Variants in STAP1 observed in about 807,000 individuals in gnomAD.
STAP1 encodes signal-transducing adaptor protein 1.
In STAP1, 30 loss-of-function variants were observed where a neutral mutation model predicts 37.8. The observed-to-expected ratio is 0.79, with a 90% confidence interval of 0.59 to 1.08. The LOEUF (loss-of-function observed/expected upper bound fraction) is 1.08. STAP1 is among the 50% of genes least tolerant of loss of function. The pLI, the probability that STAP1 is intolerant of heterozygous loss-of-function variation, is 0.00. For synonymous variants in STAP1, 130 were observed against 116.0 expected, an observed-to-expected ratio of 1.12 and a Z score of -0.78; for missense variants, 357 against 349.4, an observed-to-expected ratio of 1.02 and a Z score of -0.17.
intron 8 of STAP1, among the ~76,000 whole-genome samples, chr4:67,599,779 T>G (rs1728302126): frequency 6.6e-6 from 1 of 151,900 alleles, no homozygotes; most frequent in Non-Finnish European, 1.5e-5. Flanking sequence ...GTACCTGGGA[T>G]TACAGGTGTG....
intron 8 of STAP1, 116 bp downstream of exon 8, chr4:67,593,472 T>A: frequency 1.4e-6 from 1 of 697,176 alleles, no homozygotes; most frequent in Non-Finnish European, 2.4e-6. Flanking sequence ...GTTCAGTCTT[T>A]AAATTTATCC....
At chr4:67,593,228 G>A in intron 7 of STAP1, 32 bp from the exon 8 acceptor site, 1 of 1,496,634 alleles carries the variant, frequency 6.7e-7, no homozygotes, top group Non-Finnish European at 9.2e-7. Flanking sequence ...TGCAGGTGAT[G>A]CTGAGTTTTC....
At chr4:67,586,463 A>C (rs1727981512) in intron 6 of STAP1, among the ~76,000 whole-genome samples, 2 of 152,216 alleles carry the variant, frequency 1.3e-5, no homozygotes, top group African/African-American at 4.8e-5. Context: ...TCTCAAAAAC[A>C]AAACAAACAA....
At chr4:67,579,016 A>G (rs1366663424) in intron 4 of STAP1, among the ~76,000 whole-genome samples, 1 of 152,108 alleles carries the variant, frequency 6.6e-6, no homozygotes, top group Non-Finnish European at 1.5e-5. Flanking sequence ...AAATATTTTT[A>G]GTAGAGGTGG....
At position 67,581,482 on chromosome 4, in the gene STAP1, A is replaced by C; in HGVS notation, c.530+11A>C. 1 of 1,593,034 alleles carries C rather than the reference A, an allele frequency of 6.3e-7. No homozygotes were observed. Among genetic ancestry groups the C allele is most frequent in the Non-Finnish European group, 8.5e-7 (1 of 1,171,192 alleles). ...GAACCCTATGCCAGCGTAAGTGCAC[A>C]ATGAACTGCAGTTTATTCATTCGAT... On this transcript the variant is annotated intron_variant, in intron 5 of 8. Transcript: ENST00000265404.
In STAP1 at chr4:67,598,403, T is replaced by C. The variant is rs150353787; in HGVS notation, c.826+5047T>C. 3.3e-5 allele frequency among the ~76,000 whole-genome samples: 5 copies of C among 152,334 alleles called. No individual in the cohort carries two copies. In the East Asian group the frequency reaches 7.7e-4, roughly 23 times the overall value. The stretch of plus-strand genomic sequence containing the variant: ...CTAATTTACATTCCCACTAACAGTG[T>C]ATGAAGGTTCCCTTTTCTCTATATC... On this transcript the variant is annotated intron_variant, in intron 8 of 8. Coordinates refer to ENST00000265404, the MANE Select transcript of STAP1 (RefSeq NM_012108.4).
chr4:67,605,665 A>G (rs990738104), intron 8 of STAP1, among the ~76,000 whole-genome samples: 5 of 152,222 alleles, frequency 3.3e-5, no homozygotes, highest in African/African-American at 7.2e-5. Flanking sequence ...GTACATGACA[A>G]TGAAAATAGG....
At chr4:67,576,822 G>A (rs1425313673) in intron 3 of STAP1, among the ~76,000 whole-genome samples, 1 of 152,180 alleles carries the variant, frequency 6.6e-6, no homozygotes, top group African/African-American at 2.4e-5. Flanking sequence ...TAATAACATA[G>A]TACTAGTATT....
At chr4:67,592,657 T>C (rs1728144559) in intron 7 of STAP1, among the ~76,000 whole-genome samples, 1 of 152,138 alleles carries the variant, frequency 6.6e-6, no homozygotes, top group African/African-American at 2.4e-5. Flanking sequence ...AAGAAAGCAT[T>C]TTCTAGCTAA....
At chr4:67,589,510 A>C (rs1052015222) in intron 6 of STAP1, among the ~76,000 whole-genome samples, 5 of 152,244 alleles carry the variant, frequency 3.3e-5, no homozygotes, top group Admixed American at 1.3e-4. Context: ...GATTTAAAAA[A>C]AGAAGGTAGA....
rs750116272 is a variant in STAP1 at position 67,558,927 on chromosome 4, C to T, written c.118C>T (p.Arg40Trp). ...TTTATTAATCAAGCGGTCAGGATACCGGGTGAGTCTATAGATGATAATGTT... is the reference window on the plus strand; with the variant it reads ...TTTATTAATCAAGCGGTCAGGATACTGGGTGAGTCTATAGATGATAATGTT... ...GFLLIKRSGYREYEHYWTELR... is the reference protein window; with the variant it reads ...GFLLIKRSGYWEYEHYWTELR... Residue 40 changes from arginine to tryptophan, a missense_variant and splice_region_variant, in exon 1 of 9, where the codon CGG becomes TGG. Arg to Trp is a moderately radical substitution (Grantham distance 101, BLOSUM62 -3). Transcript: ENST00000265404. The T allele has an allele frequency of 3.4e-5, 55 of 1,610,188 alleles. No homozygotes were observed. The highest frequency in any genetic ancestry group is 1.7e-4 in the Middle Eastern group (1 of 6,060).
At chr4:67,584,477 G>C (rs1216346010) in intron 6 of STAP1, among the ~76,000 whole-genome samples, 1 of 152,162 alleles carries the variant, frequency 6.6e-6, no homozygotes, top group Non-Finnish European at 1.5e-5. Context: ...AAGGTCTATA[G>C]AGTAAAATAA....
chr4:67,571,046 A>G, intron 1 of STAP1, 38 bp from the exon 2 acceptor site: 2 of 1,493,100 alleles, frequency 1.3e-6, no homozygotes, highest in Non-Finnish European at 9.3e-7. Flanking sequence ...AGTTGAATAT[A>G]CACTAATGAA....
Position 67,575,454 on chromosome 4 carries a change from G to A in STAP1, c.262G>A (p.Ala88Thr), listed in dbSNP as rs776449527. Residue 88 changes from alanine to threonine, a missense_variant, in exon 3 of 9, where the codon GCG becomes ACG. Coordinates refer to ENST00000265404, the MANE Select transcript of STAP1 (RefSeq NM_012108.4). ...GCAGAATTCAACTGAAAAGAACTGT[G>A]CGAAATTCACCCTTGTTTTGCCGAA... ...TEQNSTEKNC[A>T]KFTLVLPKEE... The A allele has an allele frequency of 3.3e-5, 53 of 1,609,400 alleles. No homozygotes were observed. The highest frequency in any genetic ancestry group is 4.3e-5 in the Non-Finnish European group (51 of 1,178,554).
intron 8 of STAP1, among the ~76,000 whole-genome samples, chr4:67,599,624 A>G (rs1051438817): frequency 6.7e-6 from 1 of 148,490 alleles, no homozygotes; most frequent in African/African-American, 2.5e-5. Context: ...AGGTTTGTTG[A>G]TTTTCTTTTT....
At chr4:67,576,878 G>A (rs116202048) in intron 3 of STAP1, among the ~76,000 whole-genome samples, 2,023 of 152,308 alleles carry the variant, frequency 0.013, 27 homozygotes, top group Middle Eastern at 0.024. Flanking sequence ...TGGTTGTCCT[G>A]AATTTAAAGC....
At chr4:67,577,861 CTGGTT>C (rs1445331400) in intron 4 of STAP1, among the ~76,000 whole-genome samples, 36 of 152,110 alleles carry the variant, frequency 2.4e-4, no homozygotes, top group Non-Finnish European at 5.9e-5. Context: ...GTTGGCCAGG[CTGGTT>C]TGGAACTCCT....
chr4:67,560,673 T>TGTGTGTGTGTGA (rs961122177), intron 1 of STAP1, among the ~76,000 whole-genome samples: 1 of 151,980 alleles, frequency 6.6e-6, no homozygotes, highest in Non-Finnish European at 1.5e-5. Context: ...TGTGTGTGTG[T>TGTGTGTGTGTGA]GACAGTGTCT....
intron 4 of STAP1, among the ~76,000 whole-genome samples, chr4:67,580,775 C>G (rs933801803): frequency 3.9e-5 from 6 of 152,190 alleles, no homozygotes; most frequent in Non-Finnish European, 8.8e-5. Flanking sequence ...AGAAAAGTAT[C>G]ATAATTCTAA....
Sources: allele counts gnomAD v4.1 joint callset (sites outside exome capture counted in the v4.1 genomes callset), GRCh38; gene constraint gnomAD v4.1.1; transcripts MANE v1.5; gene names NCBI Gene and HGNC (gene_info 2026-07-23, HGNC 2026-07-21).